Variants in SEMG2 observed in about 807,000 individuals in gnomAD.
SEMG2 encodes semenogelin-2.
A neutral mutation model predicts 8.1 loss-of-function variants in SEMG2; 3 were observed. The ratio of observed to expected loss-of-function variants is 0.37; its 90% confidence interval spans 0.17 to 0.96. The LOEUF (loss-of-function observed/expected upper bound fraction) is 0.96. Ranked by LOEUF, SEMG2 falls within the 40% of genes least tolerant of loss-of-function variation. The probability of loss-of-function intolerance (pLI) is 0.41; values close to 1 mark genes in which losing one functional copy is unlikely to be tolerated. For synonymous variants in SEMG2, 252 were observed against 231.4 expected (o/e 1.09, Z -0.81); for missense variants, 726 against 671.2 (o/e 1.08, Z -0.90).
Position 45,222,158 on chromosome 20 carries a change from G to C in SEMG2, c.526G>C (p.Ala176Pro), listed in dbSNP as rs1291465447. 4 of 1,614,170 alleles carry C rather than the reference G, an allele frequency of 2.5e-6. No individual in the cohort carries two copies. Among genetic ancestry groups the C allele is most frequent in the Non-Finnish European group, 3.4e-6 (4 of 1,180,002 alleles). Residue 176 changes from alanine (A) to proline (P), a missense_variant, in exon 2 of 3, where the codon GCT becomes CCT. Transcript: ENST00000372769. ...LWVHGLSKEQ[A>P]SASGAQKGRT... Reference sequence around the variant, plus strand: ...GGTTCATGGACTAAGTAAAGAACAAGCTTCAGCCTCTGGTGCACAAAAAGG... The same window carrying C: ...GGTTCATGGACTAAGTAAAGAACAACCTTCAGCCTCTGGTGCACAAAAAGG...
intron 2 of SEMG2, 27 bp downstream of exon 2, chr20:45,223,452 G>A: frequency 1.8e-6 from 2 of 1,081,394 alleles, no homozygotes; most frequent in Non-Finnish European, 2.7e-6. Context: ...TACCAAATAG[G>A]AGAGGTGCCT....
intron 1 of SEMG2, 31 bp downstream of exon 1, chr20:45,221,496 C>T (rs545409458): frequency 1.2e-6 from 2 of 1,610,822 alleles, no homozygotes; most frequent in African/African-American, 2.7e-5. Context: ...TTGGGGAAAG[C>T]TACTTTAAAA....
At chr20:45,221,494 AG>A (rs1568840241) in intron 1 of SEMG2, 29 bp downstream of exon 1, 1 of 1,612,532 alleles carries the variant, frequency 6.2e-7, no homozygotes. Context: ...CCTTGGGGAA[AG>A]CTACTTTAAA....
chr20:45,221,661 A>G (rs1420682991), intron 1 of SEMG2, 48 bp from the exon 2 acceptor site: 1 of 1,488,922 alleles, frequency 6.7e-7, no homozygotes, highest in Admixed American at 2.0e-5. Context: ...GAGTTGCAAG[A>G]GAGCTTTGGA....
rs372989211 is a variant in SEMG2, at chr20:45,223,036, C to T, written c.1404C>T (p.Tyr468=). ...GCCATAAGGAAAATAAAATGTCATA[C>T]CAATCTTCAAGTACAGAAGAAAGAC... ...EHGHKENKMS[Y]QSSSTEERRL... Residue 468 remains tyrosine (Y), a synonymous_variant, in exon 2 of 3, where the codon TAC becomes TAT. Coordinates refer to ENST00000372769, the MANE Select transcript of SEMG2 (RefSeq NM_003008.3). 6.2e-7 allele frequency: 1 copy of T among 1,614,100 alleles called. No homozygotes were observed. Among genetic ancestry groups the T allele is most frequent in the Non-Finnish European group, 8.5e-7 (1 of 1,180,010 alleles).
Position 45,221,734 on chromosome 20 carries a change from C to A in SEMG2, c.102C>A (p.Ser34Arg). ...GTGGATCAAAAGGCCAATTGCCAAG[C>A]GGATCTTCCCAATTTCCACATGGAC... ...QKGGSKGQLP[S>R]GSSQFPHGQK... Residue 34 changes from serine to arginine, a missense_variant, in exon 2 of 3, where the codon AGC becomes AGA. Ser to Arg is a moderately radical substitution (Grantham distance 110). Coordinates refer to ENST00000372769, the MANE Select transcript of SEMG2 (RefSeq NM_003008.3). 3 of 1,609,306 alleles carry A rather than the reference C, an allele frequency of 1.9e-6. No individual in the cohort carries two copies. Among genetic ancestry groups the A allele is most frequent in the Non-Finnish European group, 2.5e-6 (3 of 1,178,526 alleles).
Position 45,222,541 on chromosome 20 carries a change from G to A in SEMG2, c.909G>A (p.Lys303=), listed in dbSNP as rs774295700. Residue 303 remains lysine, a synonymous_variant, in exon 2 of 3, where the codon AAG becomes AAA. Transcript: ENST00000372769. ...AAAGACAACTTCACCATGGAGAAAA[G>A]AGTGTACAGAAAGATGTATCCAAAG... The part of the protein sequence containing the change: ...TEERQLHHGE[K]SVQKDVSKGS... 6.2e-6 allele frequency: 10 copies of A among 1,614,014 alleles called. No individual in the cohort carries two copies. Among genetic ancestry groups the A allele is most frequent in the Non-Finnish European group, 8.5e-6 (10 of 1,180,036 alleles).
rs1257997344 is a variant in SEMG2, at chr20:45,221,399, A to G, written c.10A>G (p.Ile4Val). The G allele has an allele frequency of 6.2e-7, 1 of 1,614,108 alleles. No homozygotes were observed. Among genetic ancestry groups the G allele is most frequent in the Admixed American group, 1.7e-5 (1 of 60,018 alleles). The change falls in exon 1 of 3, where the codon ATC becomes GTC. Residue 4 changes from isoleucine (I) to valine (V), a missense_variant. Physicochemically the swap from Ile to Val is conservative, Grantham distance 29 (BLOSUM62 3). Coordinates refer to ENST00000372769, the MANE Select transcript of SEMG2 (RefSeq NM_003008.3). MKS[I>V]ILFVLSLLLI... ...AGATTTTTCAAGCAAGATGAAGTCCATCATCCTCTTTGTCCTTTCCCTGCT... is the reference window on the plus strand; with the variant it reads ...AGATTTTTCAAGCAAGATGAAGTCCGTCATCCTCTTTGTCCTTTCCCTGCT...
Position 45,223,077 on chromosome 20 carries a change from G to T in SEMG2, c.1445G>T (p.Gly482Val). 1 of 1,614,110 alleles carries T rather than the reference G, an allele frequency of 6.2e-7. No individual in the cohort carries two copies. Among genetic ancestry groups the T allele is most frequent in the Non-Finnish European group, 8.5e-7 (1 of 1,180,016 alleles). The change falls in exon 2 of 3, where the codon GGA becomes GTA. Residue 482 changes from glycine (G) to valine (V), a missense_variant. Transcript: ENST00000372769. ...STEERRLNYGGKSTQKDVSQS... is the reference protein window; with the variant it reads ...STEERRLNYGVKSTQKDVSQS... ...GAAGAAAGACGACTCAACTATGGAG[G>T]AAAGAGCACGCAGAAAGATGTATCC... is the stretch of plus-strand genomic sequence containing the variant.
rs1984061610 is a variant in SEMG2 at position 45,223,050 on chromosome 20, C to T, written c.1418C>T (p.Thr473Ile). 4.3e-6 allele frequency: 7 copies of T among 1,614,146 alleles called. No individual in the cohort carries two copies. The highest frequency in any genetic ancestry group is 5.9e-6 in the Non-Finnish European group (7 of 1,180,014). ...AAAATGTCATACCAATCTTCAAGTA[C>T]AGAAGAAAGACGACTCAACTATGGA... ...ENKMSYQSSS[T>I]EERRLNYGGK... Residue 473 changes from threonine to isoleucine, a missense_variant, in exon 2 of 3, where the codon ACA becomes ATA. Coordinates refer to ENST00000372769, the MANE Select transcript of SEMG2 (RefSeq NM_003008.3).
In SEMG2 at chr20:45,222,536, GA is replaced by G. The variant is rs763743798; in HGVS notation, c.908del (p.Lys303ArgfsTer28). Reference sequence around the variant, plus strand: ...AGAAGAAAGACAACTTCACCATGGAGAAAAGAGTGTACAGAAAGATGTATCC... The same window carrying G: ...AGAAGAAAGACAACTTCACCATGGAGAAAGAGTGTACAGAAAGATGTATCC... ...RTEERQLHHG[E>X]KSVQKDVSKG... is the part of the protein sequence containing the mutation. On this transcript the variant is annotated frameshift_variant, in exon 2 of 3. Coordinates refer to ENST00000372769, the MANE Select transcript of SEMG2 (RefSeq NM_003008.3). LOFTEE classifies it low-confidence loss of function (END_TRUNC). 1.9e-6 allele frequency: 3 copies of G among 1,614,042 alleles called. No homozygotes were observed. The highest frequency in any genetic ancestry group is 2.5e-6 in the Non-Finnish European group (3 of 1,180,006).
chr20:45,221,810 A>G lies in SEMG2; in HGVS notation c.178A>G (p.Lys60Glu). Reference sequence around the variant, plus strand: ...AAAAGACCAACAACATACTAAATCCAAAGGCAGTTTTTCTATTCAACACAC... The same window carrying G: ...AAAAGACCAACAACATACTAAATCCGAAGGCAGTTTTTCTATTCAACACAC... Reference protein sequence around the residue: ...GQKDQQHTKSKGSFSIQHTYH... With the variant: ...GQKDQQHTKSEGSFSIQHTYH... The change falls in exon 2 of 3, where the codon AAA becomes GAA. Residue 60 changes from lysine (K) to glutamate (E), a missense_variant. By Grantham distance (56) the Lys-to-Glu change is moderately conservative (BLOSUM62 1). Transcript: ENST00000372769. The G allele has an allele frequency of 6.2e-7, 1 of 1,614,202 alleles. No homozygotes were observed. The highest frequency in any genetic ancestry group is 8.5e-7 in the Non-Finnish European group (1 of 1,180,020).
intron 2 of SEMG2, among the ~76,000 whole-genome samples, chr20:45,223,874 T>C (rs933191305): frequency 6.6e-6 from 1 of 152,210 alleles, no homozygotes; most frequent in Non-Finnish European, 1.5e-5. Context: ...AGTTCATCTA[T>C]GCTCCTTCAG....
rs1473707519 is a variant in SEMG2 at position 45,223,210 on chromosome 20, G to T, written c.1578G>T (p.Lys526Asn). ...DQWSGQNAKG[K>N]SGQSADSKQD... Reference sequence around the variant, plus strand: ...GGTCTGGCCAAAATGCAAAAGGAAAGTCTGGTCAATCTGCAGATAGCAAAC... The same window carrying T: ...GGTCTGGCCAAAATGCAAAAGGAAATTCTGGTCAATCTGCAGATAGCAAAC... Residue 526 changes from lysine to asparagine, a missense_variant, in exon 2 of 3, where the codon AAG becomes AAT. By Grantham distance (94) the Lys-to-Asn change is moderately conservative (BLOSUM62 0). Transcript: ENST00000372769. 1.9e-6 allele frequency: 3 copies of T among 1,614,022 alleles called. No individual in the cohort carries two copies. The highest frequency in any genetic ancestry group is 2.2e-5 in the East Asian group (1 of 44,886).
chr20:45,224,096 G>C (rs1467651130), intron 2 of SEMG2, among the ~76,000 whole-genome samples, 195 bp from the exon 3 acceptor site: 2 of 152,134 alleles, frequency 1.3e-5, no homozygotes, highest in South Asian at 2.1e-4. Context: ...ATGCCCCTTT[G>C]CAATAAGTAA....
chr20:45,222,800 G>A lies in SEMG2; in HGVS notation c.1168G>A (p.Val390Ile), dbSNP rs1239074547. The stretch of plus-strand genomic sequence containing the variant: ...AATACATGGCAAGTCTCAAAACCAG[G>A]TAAGAATTCCTAGTCAAGCTCAAGA... Reference protein sequence around the residue: ...EQIHGKSQNQVRIPSQAQEYG... With the variant: ...EQIHGKSQNQIRIPSQAQEYG... The change falls in exon 2 of 3, where the codon GTA (valine) becomes ATA (isoleucine). Residue 390 changes from valine to isoleucine, a missense_variant. Val to Ile is a conservative substitution (Grantham distance 29, BLOSUM62 3). Coordinates refer to ENST00000372769, the MANE Select transcript of SEMG2 (RefSeq NM_003008.3). 2.5e-6 allele frequency: 4 copies of A among 1,613,836 alleles called. No homozygotes were observed. In the Admixed American group the frequency reaches 5.0e-5, roughly 20 times the overall value.
Position 45,222,352 on chromosome 20 carries a change from T to G in SEMG2, c.720T>G (p.Pro240=). ...HSSKLQTSLH[P]AHQDRLQHGP... Reference sequence around the variant, plus strand: ...GTAAACTACAAACTTCACTCCATCCTGCACATCAAGACAGACTCCAACATG... The same window carrying G: ...GTAAACTACAAACTTCACTCCATCCGGCACATCAAGACAGACTCCAACATG... Residue 240 remains proline, a synonymous_variant, in exon 2 of 3, where the codon CCT becomes CCG. Coordinates refer to ENST00000372769, the MANE Select transcript of SEMG2 (RefSeq NM_003008.3). 1 of 1,614,160 alleles carries G rather than the reference T, an allele frequency of 6.2e-7. No individual in the cohort carries two copies.
In SEMG2 at chr20:45,222,506, C is replaced by A. The variant is rs140069155; in HGVS notation, c.874C>A (p.Arg292Ser). ...KAHKISYPSS[R>S]TEERQLHHGE... ...ACATAAAATATCATACCCGTCTTCA[C>A]GTACAGAAGAAAGACAACTTCACCA... The change falls in exon 2 of 3, where the codon CGT becomes AGT. Residue 292 changes from arginine (R) to serine (S), a missense_variant. Transcript: ENST00000372769. The A allele has an allele frequency of 1.2e-6, 2 of 1,613,612 alleles. No homozygotes were observed. Among genetic ancestry groups the A allele is most frequent in the East Asian group, 2.2e-5 (1 of 44,840 alleles).
Position 45,222,091 on chromosome 20 carries a change from G to T in SEMG2, c.459G>T (p.Lys153Asn), listed in dbSNP as rs781418524. 3 of 1,613,854 alleles carry T rather than the reference G, an allele frequency of 1.9e-6. No individual in the cohort carries two copies. The highest frequency in any genetic ancestry group is 2.5e-6 in the Non-Finnish European group (3 of 1,179,960). Residue 153 changes from lysine to asparagine, a missense_variant, in exon 2 of 3, where the codon AAG (lysine) becomes AAT (asparagine). By Grantham distance (94) the Lys-to-Asn change is moderately conservative (BLOSUM62 0). Coordinates refer to ENST00000372769, the MANE Select transcript of SEMG2 (RefSeq NM_003008.3). ...ATCAGGGGAATAGCCCATCTGGAAA[G>T]GGATTATCCAGTCAATGTTCAAACA... ...SQDQGNSPSGKGLSSQCSNTE... is the reference protein window; with the variant it reads ...SQDQGNSPSGNGLSSQCSNTE...
Sources: allele counts gnomAD v4.1 joint callset (sites outside exome capture counted in the v4.1 genomes callset), GRCh38; gene constraint gnomAD v4.1.1; transcripts MANE v1.5; gene names NCBI Gene and HGNC (gene_info 2026-07-23, HGNC 2026-07-21).